Variants in COG5 observed in about 807,000 individuals in gnomAD.
COG5 encodes the protein conserved oligomeric Golgi complex subunit 5.
In COG5, 86 loss-of-function variants were observed where a neutral mutation model predicts 110.4. The observed-to-expected ratio is 0.78, with a 90% CI of 0.65 to 0.93. The LOEUF (loss-of-function observed/expected upper bound fraction) is 0.93. Ranked by LOEUF, COG5 falls within the 40% of genes least tolerant of loss-of-function variation. The probability of loss-of-function intolerance (pLI) is 0.00; values close to 1 mark genes in which losing one functional copy is unlikely to be tolerated. For synonymous variants in COG5, 360 were observed against 334.6 expected (o/e 1.08, Z -0.83); for missense variants, 1,077 against 987.0 (o/e 1.09, Z -1.22).
chr7:107,314,150 C>T (rs1027322171), intron 11 of COG5, among the ~76,000 whole-genome samples: 2 of 152,070 alleles, frequency 1.3e-5, no homozygotes, highest in African/African-American at 2.4e-5. Context: ...GAGACACGAG[C>T]ACAAACTAGA....
At chr7:107,518,168 T>C (rs1014848801) in intron 6 of COG5, among the ~76,000 whole-genome samples, 3 of 151,970 alleles carry the variant, frequency 2.0e-5, no homozygotes, top group African/African-American at 2.4e-5. Flanking sequence ...GCACTAAATA[T>C]GGAAAGGAAA....
At chr7:107,320,813 T>A (rs1378528679) in intron 11 of COG5, among the ~76,000 whole-genome samples, 1 of 152,160 alleles carries the variant, frequency 6.6e-6, no homozygotes, top group East Asian at 1.9e-4. Context: ...GAGATGATAA[T>A]GCTTAAGAAA....
Position 107,362,352 on chromosome 7 carries a change from T to C in COG5, c.904A>G (p.Asn302Asp). 6.2e-7 allele frequency: 1 copy of C among 1,613,788 alleles called. No homozygotes were observed. The highest frequency in any genetic ancestry group is 1.1e-5 in the South Asian group (1 of 91,076). The change falls in exon 9 of 22, where the codon AAT (asparagine) becomes GAT (aspartate). Residue 302 changes from asparagine (N) to aspartate (D), a missense_variant. Physicochemically the swap from Asn to Asp is conservative, Grantham distance 23. Coordinates refer to ENST00000297135, the MANE Select transcript of COG5 (RefSeq NM_006348.5). ...ATATGATCCATAAGTTTCTCCATATTGGTCCAGAATGAGGCACGCAAAGCT... is the reference window on the plus strand; with the variant it reads ...ATATGATCCATAAGTTTCTCCATATCGGTCCAGAATGAGGCACGCAAAGCT... ...TAALRASFWT[N>D]MEKLMDHIYA...
At chr7:107,465,324 T>C (rs983001627) in intron 6 of COG5, among the ~76,000 whole-genome samples, 1 of 152,124 alleles carries the variant, frequency 6.6e-6, no homozygotes, top group Non-Finnish European at 1.5e-5. Flanking sequence ...CAATAAACAA[T>C]TGGATTTTTT....
At chr7:107,462,062 G>C (rs1796024023) in intron 6 of COG5, among the ~76,000 whole-genome samples, 1 of 152,060 alleles carries the variant, frequency 6.6e-6, no homozygotes, top group Non-Finnish European at 1.5e-5. Context: ...CTACAAAAAA[G>C]AACAAGGGAA....
intron 11 of COG5, among the ~76,000 whole-genome samples, chr7:107,312,278 A>T (rs912886762): frequency 5.3e-5 from 8 of 152,130 alleles, no homozygotes; most frequent in East Asian, 1.9e-4. Flanking sequence ...CACTTTAGGG[A>T]TCCATCTCAA....
chr7:107,348,737 T>A (rs1811861229), intron 10 of COG5, among the ~76,000 whole-genome samples: 1 of 152,196 alleles, frequency 6.6e-6, no homozygotes. Context: ...ATTTTATGTG[T>A]CTCTGAACCA....
intron 13 of COG5, among the ~76,000 whole-genome samples, chr7:107,282,324 T>G (rs1284357642): frequency 6.6e-6 from 1 of 152,212 alleles, no homozygotes; most frequent in Non-Finnish European, 1.5e-5. Context: ...ATTGTCAAGT[T>G]GCACAGAGGA....
At chr7:107,361,514 C>A (rs934171676) in intron 10 of COG5, among the ~76,000 whole-genome samples, 2 of 152,070 alleles carry the variant, frequency 1.3e-5, no homozygotes, top group Non-Finnish European at 2.9e-5. Context: ...ATAAATAATA[C>A]TATTGCTGGC....
intron 7 of COG5, among the ~76,000 whole-genome samples, chr7:107,408,566 A>G (rs2129064697): frequency 6.6e-6 from 1 of 152,364 alleles, no homozygotes; most frequent in East Asian, 1.9e-4. Context: ...TGTTCCATTA[A>G]CTATAAGAAC....
At chr7:107,431,694 G>A (rs575380153) in intron 6 of COG5, among the ~76,000 whole-genome samples, 1 of 152,096 alleles carries the variant, frequency 6.6e-6, no homozygotes, top group South Asian at 2.1e-4. Context: ...GGATTGCAAT[G>A]GCACAAACAT....
chr7:107,482,423 G>A (rs1797408866), intron 6 of COG5, among the ~76,000 whole-genome samples: 1 of 152,022 alleles, frequency 6.6e-6, no homozygotes, highest in South Asian at 2.1e-4. Context: ...TGGGATTACA[G>A]GTGTGAGCCA....
chr7:107,220,090 C>T (rs1354027136), intron 19 of COG5, among the ~76,000 whole-genome samples: 1 of 152,212 alleles, frequency 6.6e-6, no homozygotes, highest in Non-Finnish European at 1.5e-5. Context: ...CCCAGACAGC[C>T]TGGCTCTTAA....
At chr7:107,221,672 G>A (rs574842750) in intron 19 of COG5, among the ~76,000 whole-genome samples, 1 of 151,988 alleles carries the variant, frequency 6.6e-6, no homozygotes, top group South Asian at 2.1e-4. Context: ...GGCTGAGGCA[G>A]GAGAATGGCG....
intron 19 of COG5, among the ~76,000 whole-genome samples, chr7:107,214,000 T>A (rs1799346226): frequency 6.6e-6 from 1 of 151,558 alleles, no homozygotes; most frequent in African/African-American, 2.4e-5. Context: ...TACAAGAATA[T>A]AAAAATAAAA....
intron 7 of COG5, among the ~76,000 whole-genome samples, chr7:107,408,835 T>C (rs1235567510): frequency 6.6e-6 from 1 of 152,202 alleles, no homozygotes; most frequent in African/African-American, 2.4e-5. Context: ...TTTCCTGACA[T>C]GGAGGTAGCA....
At chr7:107,515,382 A>G (rs1225270193) in intron 6 of COG5, among the ~76,000 whole-genome samples, 2 of 152,206 alleles carry the variant, frequency 1.3e-5, no homozygotes, top group East Asian at 1.9e-4. Flanking sequence ...AAAAAGATAC[A>G]AAGTTTATCA....
chr7:107,528,825 A>G (rs1563084227), intron 5 of COG5, among the ~76,000 whole-genome samples: 1 of 152,100 alleles, frequency 6.6e-6, no homozygotes, highest in Non-Finnish European at 1.5e-5. Flanking sequence ...ACATTCTTTT[A>G]TGGGTGAAAT....
chr7:107,493,219 A>G (rs1354205560), intron 6 of COG5, among the ~76,000 whole-genome samples: 1 of 152,172 alleles, frequency 6.6e-6, no homozygotes, highest in African/African-American at 2.4e-5. Flanking sequence ...TTGAATGGCA[A>G]CAACTTGTTC....
Sources: gnomAD v4.1 joint callset for allele counts (sites outside exome capture counted in the v4.1 genomes callset) on GRCh38, gnomAD v4.1.1 for gene constraint, MANE v1.5 for transcripts, NCBI Gene and HGNC (gene_info 2026-07-23, HGNC 2026-07-21) for gene names.